Variants in SLC9A2 observed in about 807,000 individuals in gnomAD.
SLC9A2 encodes solute carrier family 9 member A2.
Under a neutral mutation model 71.7 loss-of-function variants are expected in SLC9A2, and 42 were observed. That is an observed-to-expected ratio of 0.59 (90% CI 0.46 to 0.76). The LOEUF is 0.76. SLC9A2 is among the 30% of genes least tolerant of loss of function. The pLI is 0.00. For missense variants in SLC9A2, 829 were observed against 1,017.4 expected, an observed-to-expected ratio of 0.81 and a Z score of 2.52; for synonymous variants, 396 against 392.5, an observed-to-expected ratio of 1.01 and a Z score of -0.10.
intron 9 of SLC9A2, among the ~76,000 whole-genome samples, chr2:102,703,651 G>C (rs943800705): frequency 6.6e-6 from 1 of 152,170 alleles, no homozygotes; most frequent in Non-Finnish European, 1.5e-5. Flanking sequence ...GCCTTGTTCT[G>C]TGTTATGTTT....
chr2:102,652,684 G>C (rs866825750), intron 1 of SLC9A2, among the ~76,000 whole-genome samples: 11 of 152,112 alleles, frequency 7.2e-5, no homozygotes, highest in Middle Eastern at 3.2e-3. Flanking sequence ...GTCCTTAACA[G>C]AAAAGTCTTG....
chr2:102,652,267 A>T (rs1676849782), intron 1 of SLC9A2, among the ~76,000 whole-genome samples: 1 of 152,114 alleles, frequency 6.6e-6, no homozygotes, highest in Non-Finnish European at 1.5e-5. Context: ...CCATGGGCAG[A>T]AGACAGTGTG....
chr2:102,648,571 A>T lies in SLC9A2; in HGVS notation c.290-8993A>T, dbSNP rs1458882880. 2.6e-5 allele frequency among the ~76,000 whole-genome samples: 4 copies of T among 152,318 alleles called. No homozygotes were observed. In the East Asian group the frequency reaches 7.7e-4, roughly 29 times the overall value. On this transcript the variant is annotated intron_variant, in intron 1 of 11. Coordinates refer to ENST00000233969, the MANE Select transcript of SLC9A2 (RefSeq NM_003048.6). ...CTCAAATTGTCTCTGTTTGCAGATG[A>T]CATGATTGTATATTTTGAAATCCCC...
intron 1 of SLC9A2, among the ~76,000 whole-genome samples, chr2:102,638,271 A>C (rs986265209): frequency 2.0e-5 from 3 of 152,232 alleles, no homozygotes; most frequent in Admixed American, 6.5e-5. Context: ...TATGTGGGAC[A>C]CTTAGGGACT....
At chr2:102,659,813 CTT>C (rs2104521671) in intron 2 of SLC9A2, among the ~76,000 whole-genome samples, 1 of 152,288 alleles carries the variant, frequency 6.6e-6, no homozygotes. Context: ...TCCATTCTGA[CTT>C]ATGCTCGATA....
intron 5 of SLC9A2, 56 bp from the exon 6 acceptor site, chr2:102,694,358 C>A: frequency 1.6e-6 from 1 of 634,440 alleles, no homozygotes; most frequent in Non-Finnish European, 2.3e-6. Context: ...TTATATTAAA[C>A]AATTTATAAA....
intron 1 of SLC9A2, among the ~76,000 whole-genome samples, chr2:102,644,476 C>T (rs1038058213): frequency 6.6e-5 from 10 of 152,252 alleles, no homozygotes; most frequent in Admixed American, 2.0e-4. Flanking sequence ...CTGTTCACTC[C>T]CCTGGAAAGG....
At chr2:102,692,855 TGTCC>T (rs1284496066) in intron 5 of SLC9A2, among the ~76,000 whole-genome samples, 1 of 152,164 alleles carries the variant, frequency 6.6e-6, no homozygotes, top group African/African-American at 2.4e-5. Context: ...TATCTCAAAA[TGTCC>T]TTAATCTTCT....
At chr2:102,685,959 C>T (rs1422403887) in intron 5 of SLC9A2, among the ~76,000 whole-genome samples, 1 of 152,170 alleles carries the variant, frequency 6.6e-6, no homozygotes. Flanking sequence ...AGGATTGAGC[C>T]TTGGGGCGGC....
At chr2:102,669,888 T>A (rs2104529258) in intron 3 of SLC9A2, among the ~76,000 whole-genome samples, 1 of 152,204 alleles carries the variant, frequency 6.6e-6, no homozygotes, top group Admixed American at 6.5e-5. Flanking sequence ...TCCCCTGGGC[T>A]CTAATAAGTG....
intron 1 of SLC9A2, among the ~76,000 whole-genome samples, chr2:102,630,500 A>G (rs1289705063): frequency 1.3e-5 from 2 of 151,584 alleles, no homozygotes; most frequent in Non-Finnish European, 2.9e-5. Flanking sequence ...ATTGTTTTTG[A>G]TATTCTGCTA....
At chr2:102,674,297 C>T (rs1003549278) in intron 3 of SLC9A2, among the ~76,000 whole-genome samples, 1 of 152,076 alleles carries the variant, frequency 6.6e-6, no homozygotes, top group Non-Finnish European at 1.5e-5. Flanking sequence ...AAGGAGAACC[C>T]GTTATTCTTT....
chr2:102,692,111 T>C (rs766809481), intron 5 of SLC9A2, among the ~76,000 whole-genome samples: 1 of 152,250 alleles, frequency 6.6e-6, no homozygotes, highest in Non-Finnish European at 1.5e-5. Context: ...CCGTTTCATT[T>C]ACATAAGTTA....
intron 3 of SLC9A2, among the ~76,000 whole-genome samples, chr2:102,666,711 TG>T (rs1677148216): frequency 6.6e-6 from 1 of 152,188 alleles, no homozygotes; most frequent in African/African-American, 2.4e-5. Context: ...TCATTGGGTG[TG>T]GATGTTTTTG....
intron 7 of SLC9A2, among the ~76,000 whole-genome samples, chr2:102,696,849 T>A (rs1267963842): frequency 6.6e-6 from 1 of 152,186 alleles, no homozygotes; most frequent in East Asian, 1.9e-4. Flanking sequence ...TGTAAAACTA[T>A]TTTTTAAATG....
intron 1 of SLC9A2, among the ~76,000 whole-genome samples, chr2:102,641,323 A>G (rs1458322757): frequency 6.6e-6 from 1 of 152,038 alleles, no homozygotes; most frequent in East Asian, 1.9e-4. Context: ...CCTCCTTTCC[A>G]TATTGGGTGT....
rs561458941 is a variant in SLC9A2 at position 102,697,902 on chromosome 2, C to T, written c.1586+2789C>T. On this transcript the variant is annotated intron_variant, in intron 7 of 11. Transcript: ENST00000233969. ...GGCATTTGATCCTTTGAGAATGAAA[C>T]GAAGGGTGATACAGTAGGGACCCTT... is the stretch of plus-strand genomic sequence containing the variant. Among the ~76,000 whole-genome samples the T allele has an allele frequency of 1.3e-4, 19 of 151,770 alleles. No homozygotes were observed. The South Asian group carries it at 1.3e-3, about 10-fold the overall frequency.
chr2:102,663,581 C>A (rs904099019), intron 2 of SLC9A2, among the ~76,000 whole-genome samples: 4 of 152,200 alleles, frequency 2.6e-5, no homozygotes, highest in Non-Finnish European at 2.9e-5. Context: ...CATGATTGAA[C>A]CTTGAACAAC....
intron 5 of SLC9A2, among the ~76,000 whole-genome samples, chr2:102,690,538 G>T (rs560248599): frequency 1.3e-5 from 2 of 152,272 alleles, no homozygotes; most frequent in Admixed American, 1.3e-4. Flanking sequence ...GAGACTGATG[G>T]TACAGGAGAG....
Sources: allele counts gnomAD v4.1 joint callset (sites outside exome capture counted in the v4.1 genomes callset), GRCh38; gene constraint gnomAD v4.1.1; transcripts MANE v1.5; gene names NCBI Gene and HGNC (gene_info 2026-07-23, HGNC 2026-07-21).